COL5A1: variants seen among roughly 807,000 people sequenced by gnomAD.
COL5A1 encodes collagen type V alpha 1 chain, also known as collagen alpha-1(V) chain.
COL5A1 carries 16 observed loss-of-function variants against 263.7 expected under a neutral mutation model. The observed-to-expected ratio is 0.06, with a 90% confidence interval of 0.04 to 0.09. The LOEUF is 0.09. COL5A1 is among the 10% of genes least tolerant of loss of function. The pLI is 1.00. For synonymous variants in COL5A1, 1,012 were observed against 1,004.5 expected (o/e 1.01, Z -0.14); for missense variants, 2,036 against 2,540.5 (o/e 0.80, Z 4.27).
intron 1 of COL5A1, among the ~76,000 whole-genome samples, chr9:134,659,258 G>C (rs572490631): frequency 6.6e-6 from 1 of 152,174 alleles, no homozygotes; most frequent in East Asian, 1.9e-4. Flanking sequence ...GCGTGATGGT[G>C]CATGCCTGTA....
chr9:134,825,682 T>C (rs1183828782), intron 62 of COL5A1, 110 bp from the exon 63 acceptor site: 6 of 712,400 alleles, frequency 8.4e-6, no homozygotes, highest in Non-Finnish European at 1.3e-5. Flanking sequence ...GCGGCATTCC[T>C]GGGGCGTGCA....
At chr9:134,646,278 G>T (rs1831472212) in intron 1 of COL5A1, among the ~76,000 whole-genome samples, 1 of 152,048 alleles carries the variant, frequency 6.6e-6, no homozygotes, top group Non-Finnish European at 1.5e-5. Flanking sequence ...GGATGTGCTG[G>T]GTCTTGCATC....
intron 39 of COL5A1, among the ~76,000 whole-genome samples, chr9:134,804,546 C>T (rs984730024): frequency 3.9e-5 from 6 of 152,228 alleles, no homozygotes; most frequent in Non-Finnish European, 7.3e-5. Context: ...CATGGCCCAT[C>T]GTAGCCCTTA....
intron 1 of COL5A1, among the ~76,000 whole-genome samples, chr9:134,688,173 C>T (rs1384123214): frequency 6.6e-6 from 1 of 152,218 alleles, no homozygotes; most frequent in East Asian, 1.9e-4. Flanking sequence ...CTTGTTGCAA[C>T]AGAGATCTGC....
chr9:134,646,665 C>T (rs1275132042), intron 1 of COL5A1, among the ~76,000 whole-genome samples: 1 of 152,204 alleles, frequency 6.6e-6, no homozygotes, highest in African/African-American at 2.4e-5. Context: ...ACGAGCCCTG[C>T]TGGCCTGGCA....
chr9:134,708,089 G>A (rs3109688), intron 4 of COL5A1, among the ~76,000 whole-genome samples: 57,562 of 152,172 alleles, frequency 0.38, 12,006 homozygotes, highest in Admixed American at 0.56. Context: ...GGACTGGGGA[G>A]GTGTCCGGGG....
chr9:134,719,444 A>C (rs1834378654), intron 4 of COL5A1, among the ~76,000 whole-genome samples: 1 of 152,238 alleles, frequency 6.6e-6, no homozygotes, highest in South Asian at 2.1e-4. Context: ...ATGCACACAC[A>C]CAGTGACACA....
intron 6 of COL5A1, 123 bp from the exon 7 acceptor site, chr9:134,730,113 G>C: frequency 6.9e-7 from 1 of 1,449,820 alleles, no homozygotes; most frequent in Non-Finnish European, 9.5e-7. Flanking sequence ...TGGGCCTCTT[G>C]ACAGGCCTGG....
At chr9:134,727,215 C>T in intron 4 of COL5A1, 51 bp from the exon 5 acceptor site, 1 of 1,605,878 alleles carries the variant, frequency 6.2e-7, no homozygotes, top group Non-Finnish European at 8.5e-7. Flanking sequence ...CCCAGGTCCC[C>T]ATGCGAGTGC....
Position 134,812,610 on chromosome 9 carries a change from C to G in COL5A1, c.3750C>G (p.Pro1250=), listed in dbSNP as rs192806271. 53 of 1,606,250 alleles carry G rather than the reference C, an allele frequency of 3.3e-5. No individual in the cohort carries two copies. The African/African-American group carries it at 4.0e-4, about 12-fold the overall frequency. ...TGGTCTCTCCCTTTTCCTAGGGCCC[C>G]CCGGGTCCCCCTGGCCCCCGAGGAC... ...GETGDVGQMG[P]PGPPGPRGPS... Residue 1250 remains proline, a synonymous_variant, in exon 48 of 66, where the codon CCC becomes CCG. Transcript: ENST00000371817.
chr9:134,712,469 C>G (rs1275553001), intron 4 of COL5A1, among the ~76,000 whole-genome samples: 1 of 104,882 alleles, frequency 9.5e-6, no homozygotes, highest in Non-Finnish European at 2.0e-5. Context: ...TCTTGTCCCC[C>G]TCCTTCCTAT....
intron 1 of COL5A1, among the ~76,000 whole-genome samples, chr9:134,643,275 T>C (rs1394340334): frequency 6.6e-6 from 1 of 151,078 alleles, no homozygotes; most frequent in African/African-American, 2.4e-5. Context: ...CCCTGGAAGG[T>C]CCCCCGAATC....
At chr9:134,772,535 C>T (rs899147255) in intron 25 of COL5A1, among the ~76,000 whole-genome samples, 9 of 152,210 alleles carry the variant, frequency 5.9e-5, no homozygotes, top group East Asian at 3.9e-4. Context: ...TGGCCTTGGC[C>T]GGGGTTGGGC....
intron 63 of COL5A1, among the ~76,000 whole-genome samples, chr9:134,828,549 TAC>T (rs1839396615): frequency 8.2e-6 from 1 of 121,664 alleles, no homozygotes. Context: ...ACCACAGAGA[TAC>T]GCACCACACA....
chr9:134,807,832 T>C (rs1293922170), intron 42 of COL5A1, among the ~76,000 whole-genome samples: 1 of 152,196 alleles, frequency 6.6e-6, no homozygotes, highest in African/African-American at 2.4e-5. Flanking sequence ...GCAGTCAGTG[T>C]ATAGAGTGCA....
intron 13 of COL5A1, 64 bp from the exon 14 acceptor site, chr9:134,752,516 ACGGCTCAGG>A: frequency 8.5e-7 from 1 of 1,180,662 alleles, no homozygotes. Flanking sequence ...GCCACATCTC[ACGGCTCAGG>A]CGCCAGCAAA....
At chr9:134,657,627 TG>T (rs1164948158) in intron 1 of COL5A1, among the ~76,000 whole-genome samples, 1 of 12,470 alleles carries the variant, frequency 8.0e-5, no homozygotes, top group Non-Finnish European at 1.5e-4. Flanking sequence ...ATAGATAATA[TG>T]GGGGGTGGGG....
chr9:134,809,376 C>A, intron 43 of COL5A1, 86 bp downstream of exon 43: 1 of 1,065,328 alleles, frequency 9.4e-7, no homozygotes, highest in Non-Finnish European at 1.4e-6. Flanking sequence ...GGACAGGATG[C>A]TGGCAGGTAG....
chr9:134,798,411 C>G lies in COL5A1; in HGVS notation c.2902C>G (p.Pro968Ala), dbSNP rs1564466152. Residue 968 changes from proline (P) to alanine (A), a missense_variant, in exon 37 of 66, where the codon CCT becomes GCT. This residue lies in a region of COL5A1 where 1,078 missense variants were observed against 1,521.4 expected (regional missense o/e 0.71). Transcript: ENST00000371817. ...TTTCCTTTGGTTTTTTCTTCAGGGC[C>G]CTCCAGGCAAGGATGGACTCCCAGG... The part of the protein sequence containing the change: ...GFPGPKGPPG[P>A]PGKDGLPGHP... The G allele has an allele frequency of 8.7e-6, 14 of 1,614,086 alleles. No individual in the cohort carries two copies. Among genetic ancestry groups the G allele is most frequent in the Non-Finnish European group, 1.2e-5 (14 of 1,179,956 alleles).
Sources: allele counts gnomAD v4.1 joint callset (sites outside exome capture counted in the v4.1 genomes callset), GRCh38; gene constraint gnomAD v4.1.1; regional missense constraint gnomAD v4.1.1; transcripts MANE v1.5; gene names NCBI Gene and HGNC (gene_info 2026-07-23, HGNC 2026-07-21).